The following PBX3 variants were observed in gnomAD, a reference collection of about 807,000 sequenced individuals.
PBX3 encodes the protein pre-B-cell leukemia transcription factor 3.
PBX3 carries 14 observed loss-of-function variants against 48.5 expected under a neutral mutation model. The ratio of observed to expected loss-of-function variants is 0.29; its 90% CI spans 0.19 to 0.45. The LOEUF is 0.45. PBX3 is among the 20% of genes least tolerant of loss of function. PBX3 has a pLI of 1.00. For missense variants in PBX3, 386 were observed against 546.7 expected (o/e 0.71, Z 2.93); for synonymous variants, 210 against 200.3 (o/e 1.05, Z -0.41).
At chr9:125,782,448 ACT>A (rs1837347379) in intron 2 of PBX3, among the ~76,000 whole-genome samples, 1 of 151,506 alleles carries the variant, frequency 6.6e-6, no homozygotes, top group South Asian at 2.1e-4. Flanking sequence ...GCACATAAAA[ACT>A]CTACTCCTTT....
intron 7 of PBX3, 53 bp from the exon 8 acceptor site, chr9:125,962,959 G>A (rs1057124294): frequency 3.2e-6 from 3 of 944,638 alleles, no homozygotes; most frequent in African/African-American, 3.2e-5. Flanking sequence ...TTTTGTAAGT[G>A]ATGACGTTTT....
At chr9:125,921,681 A>G (rs1451238315) in intron 3 of PBX3, among the ~76,000 whole-genome samples, 1 of 152,188 alleles carries the variant, frequency 6.6e-6, no homozygotes, top group Non-Finnish European at 1.5e-5. Flanking sequence ...GTTGGCTTAG[A>G]ATCTTTAAAT....
chr9:125,818,280 TCTTA>T (rs1469691323), intron 2 of PBX3, among the ~76,000 whole-genome samples: 4 of 151,484 alleles, frequency 2.6e-5, no homozygotes, highest in African/African-American at 7.3e-5. Flanking sequence ...TAAAAACATT[TCTTA>T]CTTAAGTTAT....
chr9:125,761,804 A>T (rs182162220), intron 2 of PBX3, among the ~76,000 whole-genome samples: 1 of 152,288 alleles, frequency 6.6e-6, no homozygotes, highest in Admixed American at 6.5e-5. Context: ...GAGGAATGAG[A>T]CTGAAGTCTG....
intron 2 of PBX3, among the ~76,000 whole-genome samples, chr9:125,801,862 C>G (rs530016692): frequency 1.3e-5 from 2 of 150,730 alleles, no homozygotes; most frequent in African/African-American, 4.9e-5. Flanking sequence ...AAGTTGCAGA[C>G]TTGGTATGGT....
chr9:125,814,343 C>CT (rs977747181), intron 2 of PBX3, among the ~76,000 whole-genome samples: 11 of 150,292 alleles, frequency 7.3e-5, no homozygotes, highest in South Asian at 2.1e-4. Context: ...TGTTCCATCT[C>CT]TTTTTTTTTG....
rs147813625 is a variant in PBX3, at chr9:125,759,265, G to T, written c.274+10642G>T. Among the ~76,000 whole-genome samples, 1 of 152,302 alleles carries T rather than the reference G, an allele frequency of 6.6e-6. No homozygotes were observed. The highest frequency in any genetic ancestry group is 1.9e-4 in the East Asian group (1 of 5,192). On this transcript the variant is annotated intron_variant, in intron 2 of 8. Transcript: ENST00000373489. The surrounding 1 kb of genome is among the most constrained non-coding windows in gnomAD (Gnocchi z 4.2). Reference sequence around the variant, plus strand: ...AATGCCTCAGTAAATATATGCTGGAGAACAGAAGCCTATTCACTGAAGAAA... The same window carrying T: ...AATGCCTCAGTAAATATATGCTGGATAACAGAAGCCTATTCACTGAAGAAA...
chr9:125,781,304 T>G (rs915804686), intron 2 of PBX3, among the ~76,000 whole-genome samples: 5 of 151,792 alleles, frequency 3.3e-5, no homozygotes, highest in African/African-American at 9.7e-5. Flanking sequence ...GATCACTCGC[T>G]GTTAGGAGCT....
intron 2 of PBX3, among the ~76,000 whole-genome samples, chr9:125,887,088 G>A (rs113009150): frequency 0.015 from 2,266 of 152,176 alleles, 49 homozygotes; most frequent in African/African-American, 0.051. Flanking sequence ...GACCATTTTG[G>A]TTGTATGCAC....
intron 4 of PBX3, among the ~76,000 whole-genome samples, chr9:125,932,998 T>TG (rs2132522367): frequency 6.6e-6 from 1 of 152,312 alleles, no homozygotes; most frequent in South Asian, 2.1e-4. Flanking sequence ...ATTTAGAGTG[T>TG]GGTGAACCCT....
chr9:125,879,045 A>G (rs1283060569), intron 2 of PBX3, among the ~76,000 whole-genome samples: 1 of 150,830 alleles, frequency 6.6e-6, no homozygotes, highest in African/African-American at 2.4e-5. Flanking sequence ...AAACTTTTCC[A>G]GTGAATGTTG....
intron 2 of PBX3, among the ~76,000 whole-genome samples, chr9:125,894,739 G>T (rs1840729633): frequency 6.6e-6 from 1 of 152,106 alleles, no homozygotes; most frequent in African/African-American, 2.4e-5. Flanking sequence ...TGTATGAGCA[G>T]TCATAATGCT....
intron 2 of PBX3, among the ~76,000 whole-genome samples, chr9:125,833,495 A>T (rs1247580644): frequency 6.6e-6 from 1 of 152,108 alleles, no homozygotes; most frequent in Non-Finnish European, 1.5e-5. Context: ...TCTCAAAAAA[A>T]AAAAAATTGT....
chr9:125,780,053 C>T (rs1236573424), intron 2 of PBX3, among the ~76,000 whole-genome samples: 18 of 132,592 alleles, frequency 1.4e-4, no homozygotes, highest in African/African-American at 3.5e-4. Flanking sequence ...GGCGGCTGGC[C>T]GGGCAGGGGG....
chr9:125,905,267 T>TTG (rs1841043964), intron 2 of PBX3, among the ~76,000 whole-genome samples: 1 of 152,018 alleles, frequency 6.6e-6, no homozygotes, highest in Admixed American at 6.6e-5. Flanking sequence ...ATCTGCCCAT[T>TTG]TGTGTGTACC....
At chr9:125,912,915 G>T (rs1841236238) in intron 2 of PBX3, among the ~76,000 whole-genome samples, 1 of 152,122 alleles carries the variant, frequency 6.6e-6, no homozygotes, top group African/African-American at 2.4e-5. Context: ...TGTAACTCTA[G>T]AAAGTTAGTA....
intron 2 of PBX3, among the ~76,000 whole-genome samples, chr9:125,875,738 C>T (rs928397088): frequency 6.6e-6 from 1 of 152,118 alleles, no homozygotes; most frequent in African/African-American, 2.4e-5. Context: ...TTCCCCCCCA[C>T]CTGTAGGATG....
At chr9:125,960,627 G>A (rs1842407665) in intron 5 of PBX3, 57 bp from the exon 6 acceptor site, 1 of 1,536,424 alleles carries the variant, frequency 6.5e-7, no homozygotes. Flanking sequence ...GGTATTATTG[G>A]AATTTGATTA....
intron 2 of PBX3, among the ~76,000 whole-genome samples, chr9:125,856,464 G>A (rs116788660): frequency 0.013 from 1,981 of 152,274 alleles, 43 homozygotes; most frequent in African/African-American, 0.044. Context: ...TATTAAATAG[G>A]GACTGGCCTT....
Sources: gnomAD v4.1 joint callset for allele counts (sites outside exome capture counted in the v4.1 genomes callset) on GRCh38, gnomAD v4.1.1 for gene constraint, Gnocchi (gnomAD v3.1) non-coding constraint, MANE v1.5 for transcripts, NCBI Gene and HGNC (gene_info 2026-07-23, HGNC 2026-07-21) for gene names.